Variants in NEMP2 observed in about 807,000 individuals in gnomAD.
NEMP2 encodes UPF0571 transmembrane protein.
Under a neutral mutation model 54.2 loss-of-function variants are expected in NEMP2, and 53 were observed. That is an observed-to-expected ratio of 0.98 (90% CI 0.78 to 1.23). The LOEUF is 1.23. Ranked by LOEUF, NEMP2 falls within the 50% of genes most tolerant of loss-of-function variation. The probability of loss-of-function intolerance (pLI) is 0.00; values close to 1 mark genes in which losing one functional copy is unlikely to be tolerated. For missense variants in NEMP2, 455 were observed against 511.3 expected, an observed-to-expected ratio of 0.89 and a Z score of 1.06; for synonymous variants, 197 against 190.3, an observed-to-expected ratio of 1.04 and a Z score of -0.29.
chr2:190,464,936 T>C, the NEMP2 span: 1 of 982,164 alleles, frequency 1.0e-6, no homozygotes, highest in Non-Finnish European at 1.2e-6. Flanking sequence ...GATTTAGCCA[T>C]ATTATAGTTG....
In NEMP2 at chr2:190,522,517, T is replaced by A. The variant is rs1179181483; in HGVS notation, c.213+2746A>T. On this transcript the variant is annotated intron_variant, in intron 2 of 8. Transcript: ENST00000409150. This position sits in a 1 kb window ranked among gnomAD's most constrained non-coding sequence, Gnocchi z 5.0. ...CCCCCGACCCCGCCAACTATCTGAATGAAACCCTGTTCTCGGCCAGGGCAC... is the reference window on the plus strand; with the variant it reads ...CCCCCGACCCCGCCAACTATCTGAAAGAAACCCTGTTCTCGGCCAGGGCAC... Among the ~76,000 whole-genome samples the A allele has an allele frequency of 6.6e-6, 1 of 152,166 alleles. No individual in the cohort carries two copies. The highest frequency in any genetic ancestry group is 1.5e-5 in the Non-Finnish European group (1 of 68,020).
chr2:190,615,645 A>C, the NEMP2 span, among the ~76,000 whole-genome samples: 3 of 152,140 alleles, frequency 2.0e-5, no homozygotes, highest in African/African-American at 7.2e-5. This position sits in a 1 kb window ranked among gnomAD's most constrained non-coding sequence, Gnocchi z 4.7. Context: ...CCCTCCCGAG[A>C]GATGAGGGGA....
At chr2:190,486,782 A>G in the NEMP2 span, among the ~76,000 whole-genome samples, 2 of 152,226 alleles carry the variant, frequency 1.3e-5, no homozygotes, top group Non-Finnish European at 2.9e-5. Flanking sequence ...ATTATCTCCA[A>G]ATGAGACTAT....
chr2:190,636,960 A>G, the NEMP2 span, among the ~76,000 whole-genome samples: 3 of 152,294 alleles, frequency 2.0e-5, no homozygotes, highest in South Asian at 4.1e-4. Flanking sequence ...TGGCTCCCCA[A>G]AAGGGCTAGC....
At chr2:190,449,422 C>T in the NEMP2 span, among the ~76,000 whole-genome samples, 3 of 151,708 alleles carry the variant, frequency 2.0e-5, no homozygotes, top group Admixed American at 6.6e-5. Context: ...TGCAGTGAGC[C>T]GAGATGGCAC....
the NEMP2 span, among the ~76,000 whole-genome samples, chr2:190,483,317 A>G: frequency 3.3e-5 from 5 of 152,314 alleles, no homozygotes; most frequent in African/African-American, 1.2e-4. Flanking sequence ...ATATAGTGTA[A>G]TATTTAAGCA....
chr2:190,583,399 T>C, the NEMP2 span, among the ~76,000 whole-genome samples: 1 of 152,186 alleles, frequency 6.6e-6, no homozygotes, highest in South Asian at 2.1e-4. Context: ...TCTGAGTGGC[T>C]AACATCTGTA....
chr2:190,562,286 C>T, the NEMP2 span, among the ~76,000 whole-genome samples: 2 of 152,216 alleles, frequency 1.3e-5, no homozygotes, highest in East Asian at 1.9e-4. The surrounding 1 kb of genome is among the most constrained non-coding windows in gnomAD (Gnocchi z 5.0). Context: ...CACTGTTACA[C>T]AGTGAGCTAA....
At chr2:190,632,789 T>C in the NEMP2 span, among the ~76,000 whole-genome samples, 1 of 152,194 alleles carries the variant, frequency 6.6e-6, no homozygotes, top group Non-Finnish European at 1.5e-5. The surrounding 1 kb of genome is among the most constrained non-coding windows in gnomAD (Gnocchi z 4.8). Context: ...AATCCTGTTA[T>C]GTCAATTAAA....
the NEMP2 span, among the ~76,000 whole-genome samples, chr2:190,470,758 A>G: frequency 4.5e-4 from 69 of 152,356 alleles, no homozygotes; most frequent in Non-Finnish European, 8.7e-4. Flanking sequence ...TCAGTCTTTT[A>G]AAATGAAAGA....
downstream of NEMP2, among the ~76,000 whole-genome samples, chr2:190,503,009 C>T (rs934710851): frequency 1.3e-5 from 2 of 152,204 alleles, no homozygotes; most frequent in African/African-American, 4.8e-5. This position sits in a 1 kb window ranked among gnomAD's most constrained non-coding sequence, Gnocchi z 6.3. Context: ...GAGGCCATTC[C>T]CTGCATCTGT....
the NEMP2 span, among the ~76,000 whole-genome samples, chr2:190,565,918 A>G: frequency 3.3e-5 from 5 of 152,300 alleles, no homozygotes; most frequent in Admixed American, 1.3e-4. Context: ...CTGTGAGAAA[A>G]TTAATTTCTG....
chr2:190,589,836 C>T, the NEMP2 span, among the ~76,000 whole-genome samples: 1 of 152,200 alleles, frequency 6.6e-6, no homozygotes, highest in Non-Finnish European at 1.5e-5. This position sits in a 1 kb window ranked among gnomAD's most constrained non-coding sequence, Gnocchi z 4.3. Context: ...TGGTCTGCCA[C>T]TTAGAAACTA....
the NEMP2 span, among the ~76,000 whole-genome samples, chr2:190,550,920 T>G: frequency 1.6e-4 from 25 of 152,338 alleles, no homozygotes; most frequent in South Asian, 5.2e-3. The surrounding 1 kb of genome is among the most constrained non-coding windows in gnomAD (Gnocchi z 4.7). Flanking sequence ...GTGGCTTTTA[T>G]AGTTGAGCAT....
chr2:190,430,549 A>G, the NEMP2 span, among the ~76,000 whole-genome samples: 1 of 152,040 alleles, frequency 6.6e-6, no homozygotes, highest in African/African-American at 2.4e-5. Context: ...CAGGATCCCA[A>G]GGCAGAAGAA....
the NEMP2 span, chr2:190,624,919 C>A: frequency 6.6e-6 from 1 of 152,268 alleles, no homozygotes; most frequent in African/African-American, 2.4e-5. Context: ...CACTTCACAT[C>A]CATTAAATCA....
At chr2:190,434,453 T>C in the NEMP2 span, among the ~76,000 whole-genome samples, 4 of 152,220 alleles carry the variant, frequency 2.6e-5, no homozygotes. This position sits in a 1 kb window ranked among gnomAD's most constrained non-coding sequence, Gnocchi z 4.3. Flanking sequence ...ATTTATTTTT[T>C]TGAGACGGAG....
chr2:190,648,542 G>A, the NEMP2 span: 1 of 121,808 alleles, frequency 8.2e-6, no homozygotes, highest in Non-Finnish European at 1.7e-5. Context: ...TTTTTTTAAA[G>A]TCAGCCTCCT....
In NEMP2 at chr2:190,518,769, A is replaced by G; in HGVS notation, c.485T>C (p.Val162Ala). 2 of 1,545,540 alleles carry G rather than the reference A, an allele frequency of 1.3e-6. No homozygotes were observed. Among genetic ancestry groups the G allele is most frequent in the Non-Finnish European group, 1.7e-6 (2 of 1,145,736 alleles). The change falls in exon 4 of 9, where the codon GTT becomes GCT. Residue 162 changes from valine to alanine, a missense_variant. Physicochemically the swap from Val to Ala is moderately conservative, Grantham distance 64. Transcript: ENST00000409150. Reference protein sequence around the residue: ...FKLFLVFVAGVFLFFYARTLS... With the variant: ...FKLFLVFVAGAFLFFYARTLS... Reference sequence around the variant, plus strand: ...GGTCCTTGCATAAAAGAAAAGAAAAACTCCTGCCACAAACACAAGGAAGAG... The same window carrying G: ...GGTCCTTGCATAAAAGAAAAGAAAAGCTCCTGCCACAAACACAAGGAAGAG...
Sources: allele counts gnomAD v4.1 joint callset (sites outside exome capture counted in the v4.1 genomes callset), GRCh38; gene constraint gnomAD v4.1.1; non-coding constraint Gnocchi (gnomAD v3.1); transcripts MANE v1.5; gene names NCBI Gene and HGNC (gene_info 2026-07-23, HGNC 2026-07-21).